The following CHST12 variants were observed in gnomAD, a reference collection of about 807,000 sequenced individuals.
CHST12 encodes the protein carbohydrate sulfotransferase 12, also known as carbohydrate (chondroitin 4) sulfotransferase 12.
CHST12 carries 23 observed loss-of-function variants against 27.9 expected under a neutral mutation model. That is an observed-to-expected ratio of 0.82 (90% CI 0.59 to 1.17). The LOEUF is 1.17. CHST12 is among the 50% of genes most tolerant of loss of function. CHST12 has a pLI of 0.00. For missense variants in CHST12, 682 were observed against 603.0 expected (o/e 1.13, Z -1.37); for synonymous variants, 322 against 273.0 (o/e 1.18, Z -1.77).
chr7:2,420,260 G>A (rs138629513), intron 1 of CHST12, among the ~76,000 whole-genome samples: 3,937 of 152,076 alleles, frequency 0.026, 127 homozygotes, highest in African/African-American at 0.081. Context: ...GGTGTGAGCC[G>A]CCACACCGGC....
rs895499847 is a variant in CHST12, at chr7:2,444,018, C to T, written c.*10134C>T. 1 of 152,022 alleles carries T rather than the reference C, an allele frequency of 6.6e-6. No individual in the cohort carries two copies. Among genetic ancestry groups the T allele is most frequent in the African/African-American group, 2.4e-5 (1 of 41,384 alleles). The allele number at this position is 152,022 out of a possible 1,614,324, so 9.4% of individuals were successfully genotyped here. Reference sequence around the variant, plus strand: ...ACAAAAATTAGGCCGGGCGCGGTGGCTCACGCCTGTAATCCCAGCACTTTG... The same window carrying T: ...ACAAAAATTAGGCCGGGCGCGGTGGTTCACGCCTGTAATCCCAGCACTTTG... On this transcript the variant is annotated 3_prime_UTR_variant, in exon 2 of 2. Transcript: ENST00000618655.
chr7:2,432,689 T>C lies in CHST12; in HGVS notation c.50T>C (p.Phe17Ser). The change falls in exon 2 of 2, where the codon TTC (phenylalanine) becomes TCC (serine). Residue 17 changes from phenylalanine to serine, a missense_variant. Coordinates refer to ENST00000618655, the MANE Select transcript of CHST12 (RefSeq NM_018641.5). ...FRLWLVLGSVFMILLIIVYWD... is the reference protein window; with the variant it reads ...FRLWLVLGSVSMILLIIVYWD... ...CTGTGGCTGGTGCTGGGGTCGGTGT[T>C]CATGATCCTGCTGATCATCGTGTAC... The C allele has an allele frequency of 6.2e-7, 1 of 1,613,608 alleles. No homozygotes were observed. Among genetic ancestry groups the C allele is most frequent in the Non-Finnish European group, 8.5e-7 (1 of 1,179,718 alleles).
rs761803217 is a variant in CHST12, at chr7:2,433,478, A to G, written c.839A>G (p.Asn280Ser). The change falls in exon 2 of 2, where the codon AAC (asparagine) becomes AGC (serine). Residue 280 changes from asparagine to serine, a missense_variant. Transcript: ENST00000618655. The surrounding 1 kb of genome is among the most constrained non-coding windows in gnomAD (Gnocchi z 6.1). The stretch of plus-strand genomic sequence containing the variant: ...GTGCCCATGCTGCGGCTGTACGCCA[A>G]CCACACCAGCCTGCCCGCCTCGGCG... ...FAVPMLRLYA[N>S]HTSLPASARE... The G allele has an allele frequency of 4.3e-6, 7 of 1,611,254 alleles. No homozygotes were observed. The highest frequency in any genetic ancestry group is 1.3e-5 in the African/African-American group (1 of 74,930).
chr7:2,415,836 G>A (rs546512462), intron 1 of CHST12, among the ~76,000 whole-genome samples: 4 of 151,982 alleles, frequency 2.6e-5, no homozygotes, highest in South Asian at 2.1e-4. Context: ...GGATGGTCTC[G>A]ATCTCCTGAC....
intron 1 of CHST12, among the ~76,000 whole-genome samples, chr7:2,413,514 C>G (rs558548397): frequency 6.6e-6 from 1 of 152,106 alleles, no homozygotes; most frequent in Non-Finnish European, 1.5e-5. Flanking sequence ...TCCATCGCCC[C>G]GAGTTTCTGC....
Position 2,432,802 on chromosome 7 carries a change from G to C in CHST12, c.163G>C (p.Asp55His). 1 of 1,613,712 alleles carries C rather than the reference G, an allele frequency of 6.2e-7. No homozygotes were observed. The highest frequency in any genetic ancestry group is 1.1e-5 in the South Asian group (1 of 91,064). ...GCCGCCGCTGCCCACGCCCGGGCCG[G>C]ACAGGGACAGGGAGCTCACGGCCGA... ...TGPPLPTPGP[D>H]RDRELTADSD... is the part of the protein sequence containing the mutation. Residue 55 changes from aspartate (D) to histidine (H), a missense_variant, in exon 2 of 2, where the codon GAC becomes CAC. Physicochemically the swap from Asp to His is moderately conservative, Grantham distance 81 (BLOSUM62 -1). Transcript: ENST00000618655.
Position 2,434,126 on chromosome 7 carries a change from T to TCGCCCGCTCGCCCGCTCGCCCGCC in CHST12, c.*259_*260insGCCCGCCCGCCCGCTCGCCCGCTC. The TCGCCCGCTCGCCCGCTCGCCCGCC allele has an allele frequency of 3.1e-6, 1 of 318,162 alleles. No homozygotes were observed. Among genetic ancestry groups the TCGCCCGCTCGCCCGCTCGCCCGCC allele is most frequent in the South Asian group, 6.1e-5 (1 of 16,452 alleles). 19.7% of individuals were successfully genotyped at this position (318,162 alleles called of 1,614,324 possible). ...TCCGCCCGCCCACCCGCCCGCCCGC[T>TCGCCCGCTCGCCCGCTCGCCCGCC]CGCCCGCTCGCCCGCTCCTGTGGTT... On this transcript the variant is annotated 3_prime_UTR_variant, in exon 2 of 2. Coordinates refer to ENST00000618655, the MANE Select transcript of CHST12 (RefSeq NM_018641.5).
At chr7:2,423,605 G>A (rs1221852561) in intron 1 of CHST12, among the ~76,000 whole-genome samples, 1 of 152,164 alleles carries the variant, frequency 6.6e-6, no homozygotes, top group African/African-American at 2.4e-5. Context: ...CTGGGTGCTG[G>A]GCTTCTCTGC....
rs1378408465 is a variant in CHST12 at position 2,443,830 on chromosome 7, C to G, written c.*9946C>G. Reference sequence around the variant, plus strand: ...ACCGGTGGTCTCATCTCTTCTCTCTCAAACCATGGATGGTGCCTTTTAAAG... The same window carrying G: ...ACCGGTGGTCTCATCTCTTCTCTCTGAAACCATGGATGGTGCCTTTTAAAG... On this transcript the variant is annotated 3_prime_UTR_variant, in exon 2 of 2. Transcript: ENST00000618655. The G allele has an allele frequency of 6.6e-6, 1 of 152,170 alleles. No homozygotes were observed. Among genetic ancestry groups the G allele is most frequent in the East Asian group, 1.9e-4 (1 of 5,160 alleles). 9.4% of individuals were successfully genotyped at this position (152,170 alleles called of 1,614,324 possible).
In CHST12 at chr7:2,433,516, C is replaced by T. The variant is rs1171639115; in HGVS notation, c.877C>T (p.Arg293Cys). ...SLPASAREAF[R>C]AGLKVSFANF... is the part of the protein sequence containing the mutation. ...GCCCGCCTCGGCGCGCGAGGCCTTC[C>T]GCGCTGGCCTCAAGGTGTCCTTCGC... is the stretch of plus-strand genomic sequence containing the variant. The change falls in exon 2 of 2, where the codon CGC becomes TGC. Residue 293 changes from arginine to cysteine, a missense_variant. Transcript: ENST00000618655. This position sits in a 1 kb window ranked among gnomAD's most constrained non-coding sequence, Gnocchi z 6.1. 17 of 1,612,564 alleles carry T rather than the reference C, an allele frequency of 1.1e-5. No homozygotes were observed. The highest frequency in any genetic ancestry group is 3.3e-5 in the South Asian group (3 of 91,086).
chr7:2,439,190 T>C lies in CHST12; in HGVS notation c.*5306T>C, dbSNP rs1782543943. 6.6e-6 allele frequency: 1 copy of C among 152,144 alleles called. No individual in the cohort carries two copies. The highest frequency in any genetic ancestry group is 2.4e-5 in the African/African-American group (1 of 41,426). 9.4% of individuals were successfully genotyped at this position (152,144 alleles called of 1,614,324 possible). A position where few individuals can be genotyped will look rare whatever the true frequency, so the allele number is the denominator to read the frequency against. On this transcript the variant is annotated 3_prime_UTR_variant, in exon 2 of 2. Coordinates refer to ENST00000618655, the MANE Select transcript of CHST12 (RefSeq NM_018641.5). ...ATTAATATGTTGGTGTTTGATAAAC[T>C]AGGGTTGAAGGAGTTCCATCAGTGA...
intron 1 of CHST12, among the ~76,000 whole-genome samples, chr7:2,430,112 C>T (rs1782236635): frequency 6.6e-6 from 1 of 152,030 alleles, no homozygotes; most frequent in Admixed American, 6.6e-5. Flanking sequence ...CTTGGCACCA[C>T]AGTGACTGTA....
chr7:2,418,287 G>C (rs1053215405), intron 1 of CHST12, among the ~76,000 whole-genome samples: 1 of 152,212 alleles, frequency 6.6e-6, no homozygotes, highest in Non-Finnish European at 1.5e-5. Context: ...CAGTGTTTGC[G>C]TTTAAACCTA....
intron 1 of CHST12, among the ~76,000 whole-genome samples, chr7:2,431,764 C>T (rs1782274804): frequency 6.6e-6 from 1 of 152,166 alleles, no homozygotes; most frequent in African/African-American, 2.4e-5. Flanking sequence ...CAGGGTGGCC[C>T]TGATGAAGCT....
At chr7:2,410,601 A>G (rs918507662) in intron 1 of CHST12, among the ~76,000 whole-genome samples, 4 of 152,146 alleles carry the variant, frequency 2.6e-5, no homozygotes, top group Non-Finnish European at 5.9e-5. Flanking sequence ...ACTGGGATCT[A>G]CTTTCTCAGG....
Position 2,433,416 on chromosome 7 carries a change from C to G in CHST12, c.777C>G (p.Phe259Leu), listed in dbSNP as rs147486579. The change falls in exon 2 of 2, where the codon TTC becomes TTG. Residue 259 changes from phenylalanine to leucine, a missense_variant. By Grantham distance (22) the Phe-to-Leu change is conservative. Transcript: ENST00000618655. The surrounding 1 kb of genome is among the most constrained non-coding windows in gnomAD (Gnocchi z 6.1). Reference sequence around the variant, plus strand: ...TGATCTCCGCCTTCCGCAGCAAGTTCGAGCTGGAGAACGAGGAGTTCTACC... The same window carrying G: ...TGATCTCCGCCTTCCGCAGCAAGTTGGAGCTGGAGAACGAGGAGTTCTACC... ...VRLISAFRSK[F>L]ELENEEFYRK... is the part of the protein sequence containing the mutation. 4.3e-6 allele frequency: 7 copies of G among 1,609,506 alleles called. No individual in the cohort carries two copies. Among genetic ancestry groups the G allele is most frequent in the Middle Eastern group, 1.6e-4 (1 of 6,084 alleles).
At chr7:2,407,270 A>AC (rs1466427998) in intron 1 of CHST12, among the ~76,000 whole-genome samples, 1 of 151,728 alleles carries the variant, frequency 6.6e-6, no homozygotes, top group Non-Finnish European at 1.5e-5. Flanking sequence ...ACATAGCAAG[A>AC]CCCCCATCTC....
Position 2,432,980 on chromosome 7 carries a change from G to T in CHST12, c.341G>T (p.Ser114Ile). The change falls in exon 2 of 2, where the codon AGC becomes ATC. Residue 114 changes from serine (S) to isoleucine (I), a missense_variant. By Grantham distance (142) the Ser-to-Ile change is moderately radical. Coordinates refer to ENST00000618655, the MANE Select transcript of CHST12 (RefSeq NM_018641.5). ...YDWSPRDARR[S>I]PDQGRQQAER... is the part of the protein sequence containing the mutation. ...TGGTCCCCGCGCGACGCCCGGCGCAGCCCAGACCAGGGCCGGCAGCAGGCG... is the reference window on the plus strand; with the variant it reads ...TGGTCCCCGCGCGACGCCCGGCGCATCCCAGACCAGGGCCGGCAGCAGGCG... 6.2e-7 allele frequency: 1 copy of T among 1,610,166 alleles called. No individual in the cohort carries two copies. The highest frequency in any genetic ancestry group is 8.5e-7 in the Non-Finnish European group (1 of 1,178,548).
In CHST12 at chr7:2,439,186, A is replaced by T. The variant is rs1350627925; in HGVS notation, c.*5302A>T. 6.6e-6 allele frequency: 1 copy of T among 152,196 alleles called. No individual in the cohort carries two copies. The highest frequency in any genetic ancestry group is 6.5e-5 in the Admixed American group (1 of 15,268). 9.4% of individuals were successfully genotyped at this position (152,196 alleles called of 1,614,324 possible). ...CTGCATTAATATGTTGGTGTTTGAT[A>T]AACTAGGGTTGAAGGAGTTCCATCA... On this transcript the variant is annotated 3_prime_UTR_variant, in exon 2 of 2. Transcript: ENST00000618655.
Sources: gnomAD v4.1 joint callset for allele counts (sites outside exome capture counted in the v4.1 genomes callset) on GRCh38, gnomAD v4.1.1 for gene constraint, Gnocchi (gnomAD v3.1) non-coding constraint, MANE v1.5 for transcripts, NCBI Gene and HGNC (gene_info 2026-07-23, HGNC 2026-07-21) for gene names.